MYOM1: variants seen among roughly 807,000 people sequenced by gnomAD.
The protein encoded by MYOM1 is myomesin 1, also known as myomesin-1.
Under a neutral mutation model 205.3 loss-of-function variants are expected in MYOM1, and 164 were observed. The observed-to-expected ratio is 0.80, with a 90% CI of 0.70 to 0.91. The LOEUF is 0.91. Among genes scored for constraint, MYOM1 ranks in the 40% least tolerant of loss-of-function variants. The pLI, the probability that MYOM1 is intolerant of heterozygous loss-of-function variation, is 0.00. For missense variants in MYOM1, 2,011 were observed against 2,127.3 expected (o/e 0.95, Z 1.08); for synonymous variants, 772 against 789.4 (o/e 0.98, Z 0.37).
At chr18:3,101,354 G>A (rs1268413822) in intron 23 of MYOM1, among the ~76,000 whole-genome samples, 1 of 152,174 alleles carries the variant, frequency 6.6e-6, no homozygotes, top group Admixed American at 6.5e-5. Context: ...ACAAAGCTTG[G>A]TAAGCTTTTG....
chr18:3,106,343 T>C lies in MYOM1; in HGVS notation c.3419-3713A>G, dbSNP rs141801779. Among the ~76,000 whole-genome samples the C allele has an allele frequency of 1.4e-4, 22 of 152,330 alleles. No homozygotes were observed. In the East Asian group the frequency reaches 4.2e-3, roughly 29 times the overall value. On this transcript the variant is annotated intron_variant, in intron 22 of 37. Coordinates refer to ENST00000356443, the MANE Select transcript of MYOM1 (RefSeq NM_003803.4). Reference sequence around the variant, plus strand: ...ATGAAATGAAACAAAAGATGTTGCTTATTTGCCTTTTTAAATAAAAGATGT... The same window carrying C: ...ATGAAATGAAACAAAAGATGTTGCTCATTTGCCTTTTTAAATAAAAGATGT...
chr18:3,119,876 G>A lies in MYOM1; in HGVS notation c.3111C>T (p.Ala1037=), dbSNP rs765677265. 1.9e-5 allele frequency: 31 copies of A among 1,605,510 alleles called. No homozygotes were observed. Among genetic ancestry groups the A allele is most frequent in the East Asian group, 1.8e-4 (8 of 44,662 alleles). Residue 1037 remains alanine (A), a synonymous_variant, in exon 20 of 38, where the codon GCC becomes GCT. Coordinates refer to ENST00000356443, the MANE Select transcript of MYOM1 (RefSeq NM_003803.4). Reference sequence around the variant, plus strand: ...CAGGTGTCTGTGGTTTACCTGGGACGGCGATGGTCCACTCTTCACATTTGA... The same window carrying A: ...CAGGTGTCTGTGGTTTACCTGGGACAGCGATGGTCCACTCTTCACATTTGA... The part of the protein sequence containing the change: ...ECFKCEEWTI[A]VPGPPHSLKC...
At chr18:3,239,126 A>G in the MYOM1 span, among the ~76,000 whole-genome samples, 3 of 152,218 alleles carry the variant, frequency 2.0e-5, no homozygotes, top group Admixed American at 2.0e-4. Context: ...GCTTATACAT[A>G]CGGGGTACAT....
intron 31 of MYOM1, among the ~76,000 whole-genome samples, chr18:3,084,243 T>C (rs1197890150): frequency 6.6e-6 from 1 of 152,200 alleles, no homozygotes; most frequent in Admixed American, 6.5e-5. Flanking sequence ...TTTTTTCCCT[T>C]GAATTCTTTG....
chr18:3,173,989 C>T lies in MYOM1; in HGVS notation c.1123G>A (p.Glu375Lys), dbSNP rs772688940. The change falls in exon 8 of 38, where the codon GAG becomes AAG. Residue 375 changes from glutamate (E) to lysine (K), a missense_variant. Glu to Lys is a moderately conservative substitution (Grantham distance 56, BLOSUM62 1). Coordinates refer to ENST00000356443, the MANE Select transcript of MYOM1 (RefSeq NM_003803.4). ...GCGTGGAAGCGAGTCTCATCAAACT[C>T]TCCCTTATACCCTAGAGAAGAAAAC... is the stretch of plus-strand genomic sequence containing the variant. ...ASVVVKRYKG[E>K]FDETRFHAGA... The T allele has an allele frequency of 6.2e-7, 1 of 1,613,142 alleles. No individual in the cohort carries two copies. The highest frequency in any genetic ancestry group is 1.1e-5 in the South Asian group (1 of 91,022).
chr18:3,145,673 T>C (rs1253222192), intron 13 of MYOM1, among the ~76,000 whole-genome samples: 1 of 152,040 alleles, frequency 6.6e-6, no homozygotes, highest in Non-Finnish European at 1.5e-5. Flanking sequence ...GCATGCGTTA[T>C]AAAAGAATAC....
At chr18:3,094,752 C>T (rs2079278005) in intron 25 of MYOM1, among the ~76,000 whole-genome samples, 1 of 151,786 alleles carries the variant, frequency 6.6e-6, no homozygotes, top group South Asian at 2.1e-4. Flanking sequence ...ACCTCTGCCT[C>T]CTGGGTTCAG....
intron 2 of MYOM1, among the ~76,000 whole-genome samples, chr18:3,205,721 G>T (rs549693498): frequency 6.6e-6 from 1 of 152,144 alleles, no homozygotes; most frequent in Middle Eastern, 3.2e-3. Context: ...GAAAGTGCAC[G>T]AGAAAGTTTA....
At chr18:3,092,551 G>A (rs2079239477) in intron 26 of MYOM1, among the ~76,000 whole-genome samples, 1 of 138,718 alleles carries the variant, frequency 7.2e-6, no homozygotes, top group South Asian at 2.3e-4. Flanking sequence ...TTATCATATT[G>A]TTTAGACAAC....
At chr18:3,147,452 G>T (rs1314523501) in intron 13 of MYOM1, among the ~76,000 whole-genome samples, 1 of 151,994 alleles carries the variant, frequency 6.6e-6, no homozygotes, top group Non-Finnish European at 1.5e-5. Flanking sequence ...ATCCCAGCAT[G>T]TTTTTTGTAG....
chr18:3,243,640 C>A, the MYOM1 span, among the ~76,000 whole-genome samples: 1 of 152,088 alleles, frequency 6.6e-6, no homozygotes, highest in Non-Finnish European at 1.5e-5. Flanking sequence ...GGATAAATAT[C>A]CACATATTTA....
chr18:3,112,251 T>C (rs750191331), intron 22 of MYOM1, 47 bp downstream of exon 22: 2 of 1,514,520 alleles, frequency 1.3e-6, no homozygotes. Flanking sequence ...CTTAGTTCAG[T>C]ATCTTACACA....
At chr18:3,225,746 G>C in the MYOM1 span, among the ~76,000 whole-genome samples, 1 of 152,182 alleles carries the variant, frequency 6.6e-6, no homozygotes, top group Admixed American at 6.5e-5. Flanking sequence ...AGTTGACCAT[G>C]GTTATGCTGA....
At chr18:3,208,099 G>A (rs980345262) in intron 2 of MYOM1, among the ~76,000 whole-genome samples, 1 of 152,208 alleles carries the variant, frequency 6.6e-6, no homozygotes, top group African/African-American at 2.4e-5. Flanking sequence ...TTGTTACCAG[G>A]AGTGAGAATC....
intron 2 of MYOM1, among the ~76,000 whole-genome samples, chr18:3,201,335 C>T (rs565776260): frequency 2.8e-4 from 43 of 151,624 alleles, no homozygotes; most frequent in African/African-American, 9.9e-4. Flanking sequence ...GGAGGCAGAG[C>T]TTGCAGTGAG....
At chr18:3,225,072 C>G in the MYOM1 span, among the ~76,000 whole-genome samples, 2 of 152,162 alleles carry the variant, frequency 1.3e-5, no homozygotes. Context: ...ACTGCAAGCT[C>G]CACCTCCCGG....
intron 2 of MYOM1, among the ~76,000 whole-genome samples, chr18:3,197,626 C>T (rs567037364): frequency 1.3e-5 from 2 of 152,156 alleles, no homozygotes; most frequent in East Asian, 3.9e-4. Context: ...GTAATCCCAG[C>T]ACGTTGGGAG....
Position 3,176,079 on chromosome 18 carries a change from CAAT to C in MYOM1, c.982_984del (p.Ile328del), listed in dbSNP as rs765548922. Reference sequence around the variant, plus strand: ...AGAGTGTGCATCCCATATCGACTCTCAATAATATACTTTCCAGGGTTTGCATGG... The same window carrying C: ...AGAGTGTGCATCCCATATCGACTCTCAATATACTTTCCAGGGTTTGCATGG... On this transcript the variant is annotated inframe_deletion, in exon 6 of 38. Transcript: ENST00000356443. 110 of 1,607,712 alleles carry C rather than the reference CAAT, an allele frequency of 6.8e-5. No homozygotes were observed. The highest frequency in any genetic ancestry group is 4.1e-4 in the South Asian group (37 of 90,872).
intron 16 of MYOM1, among the ~76,000 whole-genome samples, chr18:3,133,271 C>T (rs2079903948): frequency 6.6e-6 from 1 of 152,132 alleles, no homozygotes; most frequent in Admixed American, 6.5e-5. Flanking sequence ...GCAAAACCAA[C>T]TCATTCTGTT....
Sources: gnomAD v4.1 joint callset for allele counts (sites outside exome capture counted in the v4.1 genomes callset) on GRCh38, gnomAD v4.1.1 for gene constraint, MANE v1.5 for transcripts, NCBI Gene and HGNC (gene_info 2026-07-23, HGNC 2026-07-21) for gene names.